The following ADAMTSL1 variants were observed in gnomAD, a reference collection of about 807,000 sequenced individuals.
ADAMTSL1 encodes ADAMTS like 1.
ADAMTSL1 carries 126 observed loss-of-function variants against 201.8 expected under a neutral mutation model. That is an observed-to-expected ratio of 0.62 (90% CI 0.54 to 0.72). The LOEUF (loss-of-function observed/expected upper bound fraction) is 0.72. ADAMTSL1 is among the 30% of genes least tolerant of loss of function. The pLI is 0.00. For synonymous variants in ADAMTSL1, 1,121 were observed against 903.4 expected, an observed-to-expected ratio of 1.24 and a Z score of -4.32; for missense variants, 2,679 against 2,277.8, an observed-to-expected ratio of 1.18 and a Z score of -3.59.
At chr9:18,039,927 A>C in intron 1 of ADAMTSL1, among the ~76,000 whole-genome samples, 1 of 152,294 alleles carries the variant, frequency 6.6e-6, no homozygotes, top group East Asian at 1.9e-4. Context: ...AGAAATTGGC[A>C]GTTTTCCTCT....
At chr9:18,864,020 C>G (rs931167540) in intron 23 of ADAMTSL1, among the ~76,000 whole-genome samples, 7 of 152,312 alleles carry the variant, frequency 4.6e-5, no homozygotes, top group Admixed American at 4.6e-4. Context: ...AGGCCTGGAG[C>G]CAGCTCATGA....
chr9:18,368,623 C>A (rs1836895467), intron 2 of ADAMTSL1, among the ~76,000 whole-genome samples: 1 of 152,134 alleles, frequency 6.6e-6, no homozygotes, highest in South Asian at 2.1e-4. Context: ...AGTTTGCCTG[C>A]ATTCTTTATG....
At chr9:18,680,765 A>G (rs1830424510) in intron 11 of ADAMTSL1, 3 of 493,230 alleles carry the variant, frequency 6.1e-6, no homozygotes, top group Middle Eastern at 5.5e-4. Flanking sequence ...TGTTCCCTCA[A>G]ATAGCACGGG....
chr9:17,962,068 G>T (rs999640627), intron 1 of ADAMTSL1, among the ~76,000 whole-genome samples: 1 of 152,178 alleles, frequency 6.6e-6, no homozygotes, highest in Non-Finnish European at 1.5e-5. Flanking sequence ...CTTAGAGGTT[G>T]AACAACATAG....
intron 13 of ADAMTSL1, among the ~76,000 whole-genome samples, chr9:18,694,428 T>TA (rs977640352): frequency 1.6e-4 from 24 of 152,062 alleles, no homozygotes; most frequent in African/African-American, 5.5e-4. Flanking sequence ...GCCTGTAAAA[T>TA]AAAAAACAAG....
intron 4 of ADAMTSL1, among the ~76,000 whole-genome samples, chr9:18,588,884 C>CATATATATATATATATACAT (rs1395379356): frequency 4.1e-5 from 5 of 122,856 alleles, no homozygotes; most frequent in Non-Finnish European, 8.8e-5. Context: ...TATACATATA[C>CATATATATATATATATACAT]ATATATATAT....
intron 1 of ADAMTSL1, among the ~76,000 whole-genome samples, chr9:18,117,732 A>G (rs907253576): frequency 2.6e-5 from 4 of 152,188 alleles, no homozygotes; most frequent in African/African-American, 4.8e-5. Flanking sequence ...GTTTTTCTCA[A>G]TGAAACATCC....
chr9:17,929,632 C>G (rs919319497), intron 1 of ADAMTSL1, among the ~76,000 whole-genome samples: 1 of 152,152 alleles, frequency 6.6e-6, no homozygotes, highest in African/African-American at 2.4e-5. Context: ...AGCGTTCTTA[C>G]TTAAGGGACT....
chr9:18,523,825 T>G (rs1460521988), intron 2 of ADAMTSL1, among the ~76,000 whole-genome samples: 3 of 139,106 alleles, frequency 2.2e-5, no homozygotes, highest in African/African-American at 8.1e-5. Context: ...ACCAGTACCA[T>G]GCTGTTTTGG....
intron 4 of ADAMTSL1, among the ~76,000 whole-genome samples, chr9:18,586,623 G>C (rs1248216931): frequency 6.6e-6 from 1 of 151,922 alleles, no homozygotes; most frequent in Admixed American, 6.6e-5. Context: ...ATTTTAAAAA[G>C]AGCCCCATAG....
At chr9:18,064,714 C>T (rs745517161) in intron 1 of ADAMTSL1, among the ~76,000 whole-genome samples, 2 of 151,984 alleles carry the variant, frequency 1.3e-5, no homozygotes, top group Non-Finnish European at 2.9e-5. Flanking sequence ...TCTATAAAAT[C>T]TCATTGGCTT....
chr9:18,403,383 C>T (rs1400832602), intron 2 of ADAMTSL1, among the ~76,000 whole-genome samples: 1 of 151,944 alleles, frequency 6.6e-6, no homozygotes, highest in Non-Finnish European at 1.5e-5. Flanking sequence ...GGGGCTTCAC[C>T]ATATTGGCCA....
chr9:17,930,168 T>C (rs985328427), intron 1 of ADAMTSL1, among the ~76,000 whole-genome samples: 4 of 152,154 alleles, frequency 2.6e-5, no homozygotes, highest in South Asian at 2.1e-4. Flanking sequence ...TAAAGTCCAA[T>C]TGGCAGGGCT....
chr9:18,228,907 C>G (rs1830536638), intron 2 of ADAMTSL1, among the ~76,000 whole-genome samples: 2 of 150,212 alleles, frequency 1.3e-5, no homozygotes, highest in African/African-American at 4.9e-5. Flanking sequence ...CACACATTCT[C>G]TTTAGATGAC....
chr9:18,329,649 T>C (rs1222080648), intron 2 of ADAMTSL1, among the ~76,000 whole-genome samples: 1 of 152,222 alleles, frequency 6.6e-6, no homozygotes, highest in East Asian at 1.9e-4. Flanking sequence ...TCAGCCACAC[T>C]AACCTTGTCA....
At position 18,392,957 on chromosome 9, in the gene ADAMTSL1, A is replaced by G. The variant is rs1472402282; in HGVS notation, c.208-111872A>G. Among the ~76,000 whole-genome samples, 3 of 152,156 alleles carry G rather than the reference A, an allele frequency of 2.0e-5. No individual in the cohort carries two copies. In the South Asian group the frequency reaches 6.2e-4, roughly 32 times the overall value. ...AAGGTAAAAAGATGCTTTACTTTGC[A>G]TTTGACTACTAAATTCAGGATGATA... is the stretch of plus-strand genomic sequence containing the variant. On this transcript the variant is annotated intron_variant, in intron 2 of 29. Transcript: ENST00000680146.
At chr9:18,247,566 G>A (rs1448532465) in intron 2 of ADAMTSL1, among the ~76,000 whole-genome samples, 4 of 152,162 alleles carry the variant, frequency 2.6e-5, no homozygotes, top group Admixed American at 6.5e-5. Flanking sequence ...GAAGTTCAGG[G>A]AACAATGGGA....
chr9:18,155,164 T>A (rs1400958209), intron 1 of ADAMTSL1, among the ~76,000 whole-genome samples: 1 of 152,088 alleles, frequency 6.6e-6, no homozygotes, highest in African/African-American at 2.4e-5. Context: ...TCACACATAC[T>A]GATGAGACTT....
At chr9:17,929,915 C>G (rs1326018734) in intron 1 of ADAMTSL1, among the ~76,000 whole-genome samples, 2 of 152,134 alleles carry the variant, frequency 1.3e-5, no homozygotes, top group African/African-American at 4.8e-5. Context: ...CAGGGATGGA[C>G]TCACTCTGCA....
Sources: allele counts gnomAD v4.1 joint callset (sites outside exome capture counted in the v4.1 genomes callset), GRCh38; gene constraint gnomAD v4.1.1; transcripts MANE v1.5; gene names NCBI Gene and HGNC (gene_info 2026-07-23, HGNC 2026-07-21).